ENTREP2: variants seen among roughly 807,000 people sequenced by gnomAD.
The protein encoded by ENTREP2 is endosomal transmembrane epsin interactor 2, also known as protein ENTREP2.
chr15:29,119,568 G>A, the ENTREP2 span, among the ~76,000 whole-genome samples: 1 of 30,606 alleles, frequency 3.3e-5, no homozygotes, highest in African/African-American at 6.4e-5. Context: ...CCTGCACAAT[G>A]TGCACATGTA....
chr15:29,391,936 T>C, the ENTREP2 span, among the ~76,000 whole-genome samples: 1 of 152,192 alleles, frequency 6.6e-6, no homozygotes, highest in African/African-American at 2.4e-5. Flanking sequence ...GCCATTCTCC[T>C]GCCTCAGCCT....
chr15:29,176,205 C>A, the ENTREP2 span, among the ~76,000 whole-genome samples: 1 of 152,200 alleles, frequency 6.6e-6, no homozygotes, highest in African/African-American at 2.4e-5. Context: ...AAGATACAGA[C>A]CTCTTTTCCT....
At chr15:29,199,260 G>A in the ENTREP2 span, among the ~76,000 whole-genome samples, 1 of 152,156 alleles carries the variant, frequency 6.6e-6, no homozygotes, top group Non-Finnish European at 1.5e-5. Flanking sequence ...GCTTGTTTTA[G>A]TCTTTTTAAT....
At chr15:29,484,369 C>T in the ENTREP2 span, among the ~76,000 whole-genome samples, 1 of 152,174 alleles carries the variant, frequency 6.6e-6, no homozygotes. Flanking sequence ...TCTGTCACAC[C>T]ACCCACAACA....
the ENTREP2 span, among the ~76,000 whole-genome samples, chr15:29,329,822 G>T: frequency 6.6e-6 from 1 of 152,144 alleles, no homozygotes; most frequent in Admixed American, 6.5e-5. Flanking sequence ...AAATATCCAT[G>T]AGTCCATATT....
chr15:29,493,156 C>T, the ENTREP2 span, among the ~76,000 whole-genome samples: 8 of 58,124 alleles, frequency 1.4e-4, no homozygotes, highest in African/African-American at 5.1e-4. Flanking sequence ...TTTTTTGAGA[C>T]GGAGTCTCGC....
the ENTREP2 span, among the ~76,000 whole-genome samples, chr15:29,317,835 G>C: frequency 5.3e-5 from 8 of 152,158 alleles, no homozygotes; most frequent in Non-Finnish European, 1.5e-5. Flanking sequence ...ATGAAGAGAA[G>C]AATTCTCAGC....
At chr15:29,667,272 C>T in the ENTREP2 span, among the ~76,000 whole-genome samples, 1 of 151,582 alleles carries the variant, frequency 6.6e-6, no homozygotes, top group Non-Finnish European at 1.5e-5. Context: ...ACTGCAAGCT[C>T]TGCCTCCCGG....
chr15:29,613,500 C>G, the ENTREP2 span: 2 of 364,978 alleles, frequency 5.5e-6, no homozygotes, highest in Admixed American at 6.7e-5. Context: ...AGAAGAGGAT[C>G]CTGACCACAT....
At chr15:29,280,039 C>G in the ENTREP2 span, among the ~76,000 whole-genome samples, 1 of 152,186 alleles carries the variant, frequency 6.6e-6, no homozygotes, top group East Asian at 1.9e-4. Flanking sequence ...AGAATTCTCA[C>G]ATTTCCGTTT....
the ENTREP2 span, among the ~76,000 whole-genome samples, chr15:29,457,709 G>A: frequency 2.0e-5 from 3 of 152,228 alleles, no homozygotes; most frequent in Non-Finnish European, 2.9e-5. Context: ...AAGCTGCTAA[G>A]TGTCCCCCAA....
At chr15:29,399,389 A>G in the ENTREP2 span, among the ~76,000 whole-genome samples, 2 of 152,244 alleles carry the variant, frequency 1.3e-5, no homozygotes, top group Admixed American at 1.3e-4. Flanking sequence ...TATCTAGCTA[A>G]TAACACTAAA....
chr15:29,554,905 T>C, the ENTREP2 span, among the ~76,000 whole-genome samples: 1 of 152,218 alleles, frequency 6.6e-6, no homozygotes, highest in Non-Finnish European at 1.5e-5. Context: ...ACGTTAGCAA[T>C]ACTTCCAAGT....
chr15:29,555,084 G>C, the ENTREP2 span, among the ~76,000 whole-genome samples: 4 of 152,178 alleles, frequency 2.6e-5, no homozygotes, highest in Admixed American at 2.6e-4. Context: ...AATAAGAAAG[G>C]CTGGAACTGT....
chr15:29,159,431 G>A, the ENTREP2 span, among the ~76,000 whole-genome samples: 3 of 152,288 alleles, frequency 2.0e-5, no homozygotes, highest in African/African-American at 2.4e-5. Context: ...CCACAGCATA[G>A]AAAAGGACAG....
chr15:29,248,224 TA>T, the ENTREP2 span, among the ~76,000 whole-genome samples: 1 of 152,042 alleles, frequency 6.6e-6, no homozygotes, highest in African/African-American at 2.4e-5. Context: ...TGTAAAATAC[TA>T]AAGAGTTAAC....
the ENTREP2 span, among the ~76,000 whole-genome samples, chr15:29,672,677 G>A: frequency 2.6e-5 from 4 of 152,048 alleles, no homozygotes; most frequent in East Asian, 1.9e-4. Flanking sequence ...ACGCAGAGCC[G>A]GCTGCACAGG....
chr15:29,310,173 C>T, the ENTREP2 span, among the ~76,000 whole-genome samples: 2 of 152,142 alleles, frequency 1.3e-5, no homozygotes, highest in African/African-American at 4.8e-5. Flanking sequence ...CCTGAAGGTT[C>T]CATGTCCTCC....
the ENTREP2 span, among the ~76,000 whole-genome samples, chr15:29,180,038 A>G: frequency 6.6e-6 from 1 of 152,144 alleles, no homozygotes; most frequent in Admixed American, 6.5e-5. Flanking sequence ...GAGTCTACAG[A>G]GACGATCATG....
Sources: allele counts gnomAD v4.1 joint callset (sites outside exome capture counted in the v4.1 genomes callset), GRCh38; gene constraint gnomAD v4.1.1; transcripts MANE v1.5; gene names NCBI Gene and HGNC (gene_info 2026-07-23, HGNC 2026-07-21).